UMODL1: variants seen among roughly 807,000 people sequenced by gnomAD.
UMODL1 encodes uromodulin-like 1.
Under a neutral mutation model 136.3 loss-of-function variants are expected in UMODL1, and 128 were observed. The observed-to-expected ratio is 0.94, with a 90% CI of 0.81 to 1.09. The LOEUF (loss-of-function observed/expected upper bound fraction) is 1.09, where lower values mean the gene tolerates loss of function less well. Ranked by LOEUF, UMODL1 falls within the 50% of genes least tolerant of loss-of-function variation. The pLI, the probability that UMODL1 is intolerant of heterozygous loss-of-function variation, is 0.00. For missense variants in UMODL1, 1,766 were observed against 1,725.6 expected, an observed-to-expected ratio of 1.02 and a Z score of -0.41; for synonymous variants, 721 against 720.0, an observed-to-expected ratio of 1.00 and a Z score of -0.02.
rs2066963108 is a variant in UMODL1 at position 42,121,018 on chromosome 21, A to G, written c.2690-69A>G. 15 of 1,554,226 alleles carry G rather than the reference A, an allele frequency of 9.7e-6. 1 individual carries two copies. In the South Asian group the frequency reaches 1.8e-4, roughly 19 times the overall value. On this transcript the variant is annotated intron_variant, in intron 15 of 22. Coordinates refer to ENST00000408910, the MANE Select transcript of UMODL1 (RefSeq NM_001004416.3). ...TTGTCTGTGAGATGCACTCTCCCCC[A>G]ACCAGGCTGCTGTGAGACCACAAGC... is the stretch of plus-strand genomic sequence containing the variant.
intron 1 of UMODL1, 74 bp downstream of exon 1, chr21:42,071,466 C>T (rs1025967234): frequency 7.2e-7 from 1 of 1,389,416 alleles, no homozygotes; most frequent in Non-Finnish European, 9.4e-7. Flanking sequence ...TGAGGACAGC[C>T]CCCTGTGGAG....
At chr21:42,078,977 C>CG (rs887972289) in intron 2 of UMODL1, among the ~76,000 whole-genome samples, 3 of 152,164 alleles carry the variant, frequency 2.0e-5, no homozygotes, top group East Asian at 1.9e-4. Context: ...TAGGGGATAG[C>CG]GGGGGGCCAT....
intron 20 of UMODL1, 95 bp from the exon 21 acceptor site, chr21:42,129,618 C>T: frequency 3.5e-6 from 4 of 1,132,218 alleles, no homozygotes; most frequent in Middle Eastern, 2.0e-4. Flanking sequence ...AGGATAAAAT[C>T]GCATACATCA....
chr21:42,081,524 C>T (rs955715870), intron 2 of UMODL1, among the ~76,000 whole-genome samples: 2 of 152,190 alleles, frequency 1.3e-5, no homozygotes, highest in South Asian at 2.1e-4. Flanking sequence ...AGGGGCTTCC[C>T]GGCAGTAGCC....
chr21:42,096,267 A>G (rs1455735), intron 6 of UMODL1, among the ~76,000 whole-genome samples: 8,132 of 152,184 alleles, frequency 0.053, 272 homozygotes, highest in African/African-American at 0.094. Context: ...GGATTAGATG[A>G]GATTCTTTTA....
In UMODL1 at chr21:42,113,637, G is replaced by A; in HGVS notation, c.2169G>A (p.Trp723Ter). ...CCAGCACCGGCTTCCACCTGGCATG[G>A]GAGGCGGATCTTGCTATGGACTCCA... is the stretch of plus-strand genomic sequence containing the variant. ...NVTSTGFHLAWEADLAMDSTF... is the reference protein window; with the variant it reads ...NVTSTGFHLA The change falls in exon 13 of 23, where the codon TGG becomes TGA. Residue 723 changes from tryptophan (W) to a stop codon, truncating the protein, a stop_gained. Coordinates refer to ENST00000408910, the MANE Select transcript of UMODL1 (RefSeq NM_001004416.3). LOFTEE classifies it high-confidence loss of function. The A allele has an allele frequency of 6.2e-7, 1 of 1,614,104 alleles. No homozygotes were observed. The highest frequency in any genetic ancestry group is 8.5e-7 in the Non-Finnish European group (1 of 1,180,028).
intron 6 of UMODL1, among the ~76,000 whole-genome samples, chr21:42,093,223 T>G (rs1206012447): frequency 1.3e-5 from 2 of 151,926 alleles, no homozygotes; most frequent in Non-Finnish European, 2.9e-5. Flanking sequence ...TATTGTTTGT[T>G]TTTTATAGAG....
intron 1 of UMODL1, among the ~76,000 whole-genome samples, chr21:42,075,246 G>C (rs552765716): frequency 2.6e-5 from 4 of 151,934 alleles, no homozygotes; most frequent in African/African-American, 9.7e-5. Flanking sequence ...GGAGATGGGG[G>C]GGGGGTTTCA....
chr21:42,093,930 C>G (rs2066523439), intron 6 of UMODL1: 1 of 456,676 alleles, frequency 2.2e-6, no homozygotes, highest in Non-Finnish European at 4.4e-6. Flanking sequence ...CGGCACCCCA[C>G]TAAGCTCTGC....
Position 42,119,337 on chromosome 21 carries a change from G to C in UMODL1, c.2689+13G>C, listed in dbSNP as rs1489199122. On this transcript the variant is annotated intron_variant, in intron 15 of 22. Coordinates refer to ENST00000408910, the MANE Select transcript of UMODL1 (RefSeq NM_001004416.3). ...ACCTTCATACAGGGTACGAGAGGCT[G>C]GGATGGAGCCTCTCCCGTGTTCTGG... is the stretch of plus-strand genomic sequence containing the variant. 4 of 1,610,196 alleles carry C rather than the reference G, an allele frequency of 2.5e-6. No homozygotes were observed. Among genetic ancestry groups the C allele is most frequent in the Non-Finnish European group, 3.4e-6 (4 of 1,178,054 alleles).
At chr21:42,133,337 A>G (rs2067157859) in intron 21 of UMODL1, among the ~76,000 whole-genome samples, 1 of 152,200 alleles carries the variant, frequency 6.6e-6, no homozygotes, top group Non-Finnish European at 1.5e-5. Context: ...AACAACTCAG[A>G]GATTTTAGGG....
intron 21 of UMODL1, among the ~76,000 whole-genome samples, chr21:42,131,730 TCCCAGGCCACAC>T (rs1282209934): frequency 6.6e-6 from 1 of 151,214 alleles, no homozygotes; most frequent in Admixed American, 6.6e-5. Context: ...TAGACACAGG[TCCCAGGCCACAC>T]CCCAGGCCTA....
chr21:42,135,477 C>T (rs2067193121), intron 21 of UMODL1, among the ~76,000 whole-genome samples: 1 of 152,180 alleles, frequency 6.6e-6, no homozygotes, highest in Non-Finnish European at 1.5e-5. Flanking sequence ...ATGGGTCTTT[C>T]CCAGGGCTGA....
Position 42,110,882 on chromosome 21 carries a change from G to C in UMODL1, c.1660G>C (p.Asp554His), listed in dbSNP as rs1324822490. 1 of 1,601,010 alleles carries C rather than the reference G, an allele frequency of 6.2e-7. No homozygotes were observed. The highest frequency in any genetic ancestry group is 2.2e-5 in the East Asian group (1 of 44,458). ...PSRAGRACEG[D>H]LVSPMGGGLS... ...TGACAGTGGATGTGTCTTGGCAGGT[G>C]ACCTGGTGAGCCCCATGGGCGGTGG... The change falls in exon 11 of 23, where the codon GAC (aspartate) becomes CAC (histidine). Residue 554 changes from aspartate (D) to histidine (H), a missense_variant and splice_region_variant. Physicochemically the swap from Asp to His is moderately conservative, Grantham distance 81 (BLOSUM62 -1). Transcript: ENST00000408910.
At chr21:42,079,310 T>C (rs374810481) in intron 2 of UMODL1, among the ~76,000 whole-genome samples, 322 of 152,312 alleles carry the variant, frequency 2.1e-3, no homozygotes, top group African/African-American at 7.2e-3. Context: ...GCATCCTCCT[T>C]CACAGACCAG....
chr21:42,121,231 T>C lies in UMODL1; in HGVS notation c.2827+7T>C. ...TCTGAGAGACCCTGTGAAGGTAATG[T>C]CGTCAGAGTTTCTTCTTCTGGAATA... On this transcript the variant is annotated splice_region_variant and intron_variant, in intron 16 of 22. Coordinates refer to ENST00000408910, the MANE Select transcript of UMODL1 (RefSeq NM_001004416.3). 2 of 1,606,588 alleles carry C rather than the reference T, an allele frequency of 1.2e-6. No individual in the cohort carries two copies. The highest frequency in any genetic ancestry group is 1.7e-6 in the Non-Finnish European group (2 of 1,176,692).
At chr21:42,125,970 G>A (rs909025605) in intron 17 of UMODL1, among the ~76,000 whole-genome samples, 1 of 152,248 alleles carries the variant, frequency 6.6e-6, no homozygotes, top group Non-Finnish European at 1.5e-5. Flanking sequence ...AAATGCAGCA[G>A]GGTTTGGGGC....
At chr21:42,074,364 C>T (rs2066263961) in intron 1 of UMODL1, among the ~76,000 whole-genome samples, 2 of 152,194 alleles carry the variant, frequency 1.3e-5, no homozygotes, top group South Asian at 4.1e-4. Flanking sequence ...ACTTGATACC[C>T]TCTGTAAGAC....
chr21:42,092,757 G>A (rs922455294), intron 6 of UMODL1, among the ~76,000 whole-genome samples: 3 of 152,160 alleles, frequency 2.0e-5, no homozygotes, highest in South Asian at 2.1e-4. Context: ...GCAGTTGCCC[G>A]CACTTCACGC....
Sources: gnomAD v4.1 joint callset for allele counts (sites outside exome capture counted in the v4.1 genomes callset) on GRCh38, gnomAD v4.1.1 for gene constraint, MANE v1.5 for transcripts, NCBI Gene and HGNC (gene_info 2026-07-23, HGNC 2026-07-21) for gene names.